MAML3: variants seen among roughly 807,000 people sequenced by gnomAD.
The protein encoded by MAML3 is mastermind like transcriptional coactivator 3, also known as mastermind-like protein 3.
MAML3 carries 27 observed loss-of-function variants against 101.9 expected under a neutral mutation model. That is an observed-to-expected ratio of 0.27 (90% CI 0.20 to 0.37). MAML3 has a LOEUF of 0.37. MAML3 is among the 10% of genes least tolerant of loss of function. MAML3 has a pLI of 1.00. For synonymous variants in MAML3, 501 were observed against 555.9 expected, an observed-to-expected ratio of 0.90 and a Z score of 1.39; for missense variants, 1,316 against 1,444.9, an observed-to-expected ratio of 0.91 and a Z score of 1.45.
chr4:140,052,592 T>G (rs1249057632), intron 1 of MAML3, among the ~76,000 whole-genome samples: 1 of 150,744 alleles, frequency 6.6e-6, no homozygotes, highest in Non-Finnish European at 1.5e-5. Flanking sequence ...TGGAGTGCAG[T>G]GGTGTGATCT....
chr4:139,776,345 C>T (rs1232358885), intron 2 of MAML3, among the ~76,000 whole-genome samples: 7 of 152,078 alleles, frequency 4.6e-5, no homozygotes, highest in Non-Finnish European at 7.3e-5. Context: ...TGGCTCCTGT[C>T]GTGATACAGT....
At chr4:139,977,598 C>T (rs1044627257) in intron 1 of MAML3, among the ~76,000 whole-genome samples, 5 of 152,134 alleles carry the variant, frequency 3.3e-5, no homozygotes, top group South Asian at 2.1e-4. Context: ...TCTGGCCAGG[C>T]GCGGTAGCTC....
chr4:140,031,334 A>AT (rs1304328113), intron 1 of MAML3, among the ~76,000 whole-genome samples: 2 of 152,208 alleles, frequency 1.3e-5, no homozygotes, highest in Non-Finnish European at 2.9e-5. Context: ...CAAAGCTGAG[A>AT]TTTTGTGTGT....
At chr4:140,145,425 G>A (rs540732014) in intron 1 of MAML3, among the ~76,000 whole-genome samples, 1 of 152,292 alleles carries the variant, frequency 6.6e-6, no homozygotes, top group East Asian at 1.9e-4. Context: ...ATTTTAAAAG[G>A]TTCTACTTCA....
chr4:139,899,294 C>CT (rs1267617882), intron 1 of MAML3, among the ~76,000 whole-genome samples: 1 of 152,124 alleles, frequency 6.6e-6, no homozygotes, highest in Non-Finnish European at 1.5e-5. Context: ...ATAAACAGAA[C>CT]TAAGAAACAG....
intron 1 of MAML3, among the ~76,000 whole-genome samples, chr4:139,924,957 G>A (rs186656408): frequency 5.3e-5 from 8 of 151,364 alleles, no homozygotes; most frequent in South Asian, 2.1e-4. Context: ...AATTAACAAC[G>A]GAAGGAACTC....
At chr4:140,081,216 A>C (rs1727856761) in intron 1 of MAML3, among the ~76,000 whole-genome samples, 1 of 152,214 alleles carries the variant, frequency 6.6e-6, no homozygotes, top group Non-Finnish European at 1.5e-5. Flanking sequence ...ATAAAAAAGA[A>C]AATAACATGT....
At chr4:140,095,940 C>G (rs554443287) in intron 1 of MAML3, among the ~76,000 whole-genome samples, 1 of 152,344 alleles carries the variant, frequency 6.6e-6, no homozygotes, top group East Asian at 1.9e-4. Context: ...TCCTAAAGGG[C>G]AGGGACTGGG....
intron 2 of MAML3, among the ~76,000 whole-genome samples, chr4:139,865,503 T>TTTG (rs1553961174): frequency 1.3e-5 from 2 of 149,630 alleles, no homozygotes; most frequent in African/African-American, 4.9e-5. Context: ...TTTGTTTTTT[T>TTTG]TTTTTTTCAT....
intron 2 of MAML3, among the ~76,000 whole-genome samples, chr4:139,823,783 T>C (rs572983716): frequency 1.3e-5 from 2 of 151,372 alleles, no homozygotes; most frequent in African/African-American, 4.8e-5. Flanking sequence ...TATTCTTTTT[T>C]ATCCGCTCAC....
intron 2 of MAML3, among the ~76,000 whole-genome samples, chr4:139,884,867 T>C (rs17050970): frequency 0.081 from 12,271 of 152,314 alleles, 627 homozygotes; most frequent in African/African-American, 0.13. Flanking sequence ...TTGAATATCC[T>C]TATGTTTAAG....
chr4:140,105,928 A>C (rs1728343244), intron 1 of MAML3, among the ~76,000 whole-genome samples: 1 of 152,090 alleles, frequency 6.6e-6, no homozygotes, highest in Non-Finnish European at 1.5e-5. Context: ...AGCTTTCCAA[A>C]TTCAAAAGAT....
chr4:140,133,995 A>G (rs1728840513), intron 1 of MAML3: 2 of 373,842 alleles, frequency 5.3e-6, no homozygotes, highest in Non-Finnish European at 1.1e-5. Context: ...TCTTTCTCCA[A>G]CTTTCTTATT....
At chr4:140,124,480 G>C (rs1408152314) in intron 1 of MAML3, among the ~76,000 whole-genome samples, 1 of 152,134 alleles carries the variant, frequency 6.6e-6, no homozygotes, top group Non-Finnish European at 1.5e-5. Flanking sequence ...ACATCTCCAA[G>C]TTTTCTCGTA....
At chr4:139,831,962 T>G (rs1731171504) in intron 2 of MAML3, among the ~76,000 whole-genome samples, 1 of 151,744 alleles carries the variant, frequency 6.6e-6, no homozygotes, top group Non-Finnish European at 1.5e-5. Flanking sequence ...CCGGCTAATT[T>G]TTTTGTATTT....
intron 1 of MAML3, among the ~76,000 whole-genome samples, chr4:140,031,908 C>T (rs1346093010): frequency 6.6e-6 from 1 of 152,168 alleles, no homozygotes; most frequent in Non-Finnish European, 1.5e-5. Context: ...CCAGCCTTGC[C>T]TTCTCCCTCA....
At chr4:139,726,220 T>C (rs1046658095) in intron 3 of MAML3, among the ~76,000 whole-genome samples, 9 of 152,242 alleles carry the variant, frequency 5.9e-5, no homozygotes, top group Admixed American at 2.0e-4. Flanking sequence ...CTTCTTGCAT[T>C]CACCACTGTA....
At chr4:139,851,145 T>A (rs888429829) in intron 2 of MAML3, among the ~76,000 whole-genome samples, 4 of 152,206 alleles carry the variant, frequency 2.6e-5, no homozygotes, top group African/African-American at 9.7e-5. Context: ...GGTTTTATAA[T>A]CTTACAGCCT....
At chr4:139,989,850 A>C (rs1308364896) in intron 1 of MAML3, among the ~76,000 whole-genome samples, 13 of 122,874 alleles carry the variant, frequency 1.1e-4, no homozygotes, top group African/African-American at 2.5e-4. Flanking sequence ...CACACAAACA[A>C]ACACACACAC....
Sources: allele counts gnomAD v4.1 joint callset (sites outside exome capture counted in the v4.1 genomes callset), GRCh38; gene constraint gnomAD v4.1.1; transcripts MANE v1.5; gene names NCBI Gene and HGNC (gene_info 2026-07-23, HGNC 2026-07-21).